PDGFC: variants seen among roughly 807,000 people sequenced by gnomAD.
PDGFC encodes the protein platelet-derived growth factor C.
Under a neutral mutation model 35.5 loss-of-function variants are expected in PDGFC, and 12 were observed. The observed-to-expected ratio is 0.34, with a 90% confidence interval of 0.22 to 0.55. PDGFC has a LOEUF of 0.55. Among genes scored for constraint, PDGFC ranks in the 20% least tolerant of loss-of-function variants. PDGFC has a pLI of 0.91. For synonymous variants in PDGFC, 159 were observed against 148.8 expected (o/e 1.07, Z -0.50); for missense variants, 322 against 412.4 (o/e 0.78, Z 1.90).
chr4:156,890,418 T>C (rs1013881626), intron 1 of PDGFC, among the ~76,000 whole-genome samples: 2 of 152,174 alleles, frequency 1.3e-5, no homozygotes, highest in Non-Finnish European at 2.9e-5. Flanking sequence ...GCTATGCTGC[T>C]TCAGCACTTG....
intron 2 of PDGFC, among the ~76,000 whole-genome samples, chr4:156,834,024 G>A (rs1729005111): frequency 6.6e-6 from 1 of 152,110 alleles, no homozygotes; most frequent in Admixed American, 6.6e-5. Context: ...ACATTGAGAG[G>A]TATCTTCTTC....
intron 3 of PDGFC, among the ~76,000 whole-genome samples, chr4:156,784,458 G>A (rs2110858238): frequency 6.6e-6 from 1 of 152,294 alleles, no homozygotes; most frequent in African/African-American, 2.4e-5. Context: ...TTCCACAGGT[G>A]GTGTTCTGTG....
chr4:156,920,012 C>A (rs2165831), intron 1 of PDGFC, among the ~76,000 whole-genome samples: 291 of 152,162 alleles, frequency 1.9e-3, no homozygotes, highest in African/African-American at 6.1e-3. Context: ...CAAAAAGAGC[C>A]TGGCGCCTCC....
chr4:156,969,927 G>A (rs1174873752), intron 1 of PDGFC, among the ~76,000 whole-genome samples: 1 of 152,138 alleles, frequency 6.6e-6, no homozygotes, highest in East Asian at 1.9e-4. Flanking sequence ...GGTAGATGAA[G>A]AGAAAAAGAG....
At chr4:156,961,644 C>T (rs1345845694) in intron 1 of PDGFC, among the ~76,000 whole-genome samples, 1 of 152,136 alleles carries the variant, frequency 6.6e-6, no homozygotes, top group African/African-American at 2.4e-5. Context: ...GATGCAGATA[C>T]TCAATGAAGT....
At chr4:156,923,302 C>T (rs1246976472) in intron 1 of PDGFC, among the ~76,000 whole-genome samples, 7 of 152,150 alleles carry the variant, frequency 4.6e-5, no homozygotes, top group African/African-American at 1.4e-4. Context: ...CACCTGCCTC[C>T]GGTCCTGGCA....
chr4:156,927,660 A>G (rs1366691584), intron 1 of PDGFC, among the ~76,000 whole-genome samples: 1 of 152,136 alleles, frequency 6.6e-6, no homozygotes, highest in Admixed American at 6.5e-5. Context: ...AGACCACCTC[A>G]GCCTGGATTT....
At chr4:156,813,523 A>C (rs6822892) in intron 2 of PDGFC, among the ~76,000 whole-genome samples, 35 of 151,876 alleles carry the variant, frequency 2.3e-4, no homozygotes, top group African/African-American at 7.7e-4. Flanking sequence ...ATTGACTGAC[A>C]AGGGGTGAAA....
intron 1 of PDGFC, among the ~76,000 whole-genome samples, chr4:156,852,825 T>C (rs534495291): frequency 2.6e-4 from 40 of 152,300 alleles, no homozygotes; most frequent in African/African-American, 8.4e-4. Flanking sequence ...GGAAGCCATG[T>C]GCCAATGGAT....
chr4:156,763,726 A>C (rs750038680), intron 5 of PDGFC, among the ~76,000 whole-genome samples: 66 of 152,216 alleles, frequency 4.3e-4, no homozygotes, highest in Non-Finnish European at 7.1e-4. Flanking sequence ...GCTACACTTC[A>C]AGTCCTCTAT....
intron 2 of PDGFC, among the ~76,000 whole-genome samples, chr4:156,828,656 T>A (rs931297525): frequency 6.6e-6 from 1 of 152,158 alleles, no homozygotes; most frequent in African/African-American, 2.4e-5. Context: ...GTATATATAA[T>A]TGTATTCTGG....
At chr4:156,902,935 T>C (rs1730824836) in intron 1 of PDGFC, among the ~76,000 whole-genome samples, 1 of 152,206 alleles carries the variant, frequency 6.6e-6, no homozygotes. Context: ...AATTATTTAT[T>C]GGATAAATAA....
rs1730392006 is a variant in PDGFC at position 156,762,126 on chromosome 4, A to G, written c.*964T>C. ...ATTCTATTCCAATTCAGTTTTTTAA[A>G]ATGCAGATTAATCTAACTCTAGCAC... On this transcript the variant is annotated 3_prime_UTR_variant, in exon 6 of 6. Coordinates refer to ENST00000502773, the MANE Select transcript of PDGFC (RefSeq NM_016205.3). 6.6e-6 allele frequency: 1 copy of G among 152,638 alleles called. No homozygotes were observed. Among genetic ancestry groups the G allele is most frequent in the South Asian group, 2.1e-4 (1 of 4,832 alleles). The allele number at this position is 152,638 out of a possible 1,614,324, so 9.5% of individuals were successfully genotyped here. A position where few individuals can be genotyped will look rare whatever the true frequency, so the allele number is the denominator to read the frequency against.
chr4:156,945,342 C>CATATATATATAT (rs201167463), intron 1 of PDGFC, among the ~76,000 whole-genome samples: 5 of 81,074 alleles, frequency 6.2e-5, no homozygotes, highest in Non-Finnish European at 1.3e-4. Context: ...CATATACATA[C>CATATATATATAT]ATATATATAT....
At chr4:156,838,794 G>A (rs1475826533) in intron 2 of PDGFC, among the ~76,000 whole-genome samples, 2 of 152,116 alleles carry the variant, frequency 1.3e-5, no homozygotes, top group African/African-American at 4.8e-5. Context: ...ATCTCCATAT[G>A]TTGTGAGAGG....
chr4:156,888,535 C>G (rs1028062627), intron 1 of PDGFC, among the ~76,000 whole-genome samples: 1 of 152,124 alleles, frequency 6.6e-6, no homozygotes, highest in Non-Finnish European at 1.5e-5. Flanking sequence ...CTTTCTTACT[C>G]TATTATCAAG....
intron 1 of PDGFC, among the ~76,000 whole-genome samples, chr4:156,966,139 G>T (rs1261590788): frequency 1.3e-5 from 2 of 152,174 alleles, no homozygotes; most frequent in Non-Finnish European, 2.9e-5. Context: ...CTCCTTAGGA[G>T]ATTTAAAAAA....
chr4:156,957,529 C>T (rs557031725), intron 1 of PDGFC, among the ~76,000 whole-genome samples: 2 of 152,094 alleles, frequency 1.3e-5, no homozygotes, highest in South Asian at 4.2e-4. Context: ...TGTGATAGCA[C>T]TGACTTTTTT....
At chr4:156,804,217 AAC>A (rs1473929405) in intron 3 of PDGFC, among the ~76,000 whole-genome samples, 6 of 151,292 alleles carry the variant, frequency 4.0e-5, no homozygotes, top group Non-Finnish European at 7.4e-5. Flanking sequence ...TAAATAAATA[AAC>A]AAATAAATAA....
Sources: allele counts gnomAD v4.1 joint callset (sites outside exome capture counted in the v4.1 genomes callset), GRCh38; gene constraint gnomAD v4.1.1; transcripts MANE v1.5; gene names NCBI Gene and HGNC (gene_info 2026-07-23, HGNC 2026-07-21).